Variants in TBC1D19 observed in about 807,000 individuals in gnomAD.
The protein encoded by TBC1D19 is TBC1 domain family member 19, also known as TBC1 domain family, member 19.
TBC1D19 carries 60 observed loss-of-function variants against 89.0 expected under a neutral mutation model. The ratio of observed to expected loss-of-function variants is 0.67; its 90% CI spans 0.55 to 0.84. The LOEUF (loss-of-function observed/expected upper bound fraction) is 0.84, where lower values mean the gene tolerates loss of function less well. Ranked by LOEUF, TBC1D19 falls within the 40% of genes least tolerant of loss-of-function variation. TBC1D19 has a pLI of 0.00. For synonymous variants in TBC1D19, 189 were observed against 199.7 expected, an observed-to-expected ratio of 0.95 and a Z score of 0.45; for missense variants, 500 against 610.8, an observed-to-expected ratio of 0.82 and a Z score of 1.91.
intron 1 of TBC1D19, among the ~76,000 whole-genome samples, chr4:26,605,876 T>A (rs1476511438): frequency 2.0e-5 from 3 of 152,230 alleles, no homozygotes; most frequent in African/African-American, 7.2e-5. Flanking sequence ...TCTGTTCATA[T>A]CCTTTGCACA....
intron 3 of TBC1D19, among the ~76,000 whole-genome samples, chr4:26,618,292 G>A (rs1741823865): frequency 6.6e-6 from 1 of 152,194 alleles, no homozygotes; most frequent in African/African-American, 2.4e-5. Context: ...ATTTAACTTA[G>A]ATTTGGGGAT....
intron 1 of TBC1D19, 62 bp downstream of exon 1, chr4:26,584,354 A>C (rs1577742998): frequency 6.8e-7 from 1 of 1,471,752 alleles, no homozygotes; most frequent in East Asian, 2.4e-5. Context: ...TCTCTTCTTC[A>C]CCCTCCTCAC....
At chr4:26,797,767 C>T in the TBC1D19 span, among the ~76,000 whole-genome samples, 11 of 151,862 alleles carry the variant, frequency 7.2e-5, no homozygotes, top group South Asian at 2.1e-4. Context: ...TGATCCTTAA[C>T]AAAGTCAACA....
Position 26,584,349 on chromosome 4 carries a change from T to C in TBC1D19, c.99+57T>C, listed in dbSNP as rs544155623. The C allele has an allele frequency of 2.2e-4, 330 of 1,507,420 alleles. 4 individuals carry two copies. The East Asian group carries it at 4.7e-3, about 22-fold the overall frequency. The allele number at this position is 1,507,420 out of a possible 1,614,324, so 93.4% of individuals were successfully genotyped here. A position where few individuals can be genotyped will look rare whatever the true frequency, so the allele number is the denominator to read the frequency against. ...CGGGCGGGGCCGCGGCGATGTCTCTTCTTCACCCTCCTCACCCAAGCCAGA... is the reference window on the plus strand; with the variant it reads ...CGGGCGGGGCCGCGGCGATGTCTCTCCTTCACCCTCCTCACCCAAGCCAGA... On this transcript the variant is annotated intron_variant, in intron 1 of 20. Coordinates refer to ENST00000264866, the MANE Select transcript of TBC1D19 (RefSeq NM_018317.4).
chr4:26,595,966 A>AT, intron 1 of TBC1D19, among the ~76,000 whole-genome samples: 1 of 151,728 alleles, frequency 6.6e-6, no homozygotes, highest in East Asian at 1.9e-4. Context: ...ATTAAAAAAA[A>AT]TTTTTTTTGA....
intron 1 of TBC1D19, among the ~76,000 whole-genome samples, chr4:26,607,277 C>A (rs1741073222): frequency 1.3e-5 from 2 of 152,130 alleles, no homozygotes; most frequent in Non-Finnish European, 2.9e-5. Context: ...ATTTGAAAAG[C>A]CGCTACTTCT....
chr4:26,585,161 G>C, intron 1 of TBC1D19: 1 of 446,010 alleles, frequency 2.2e-6, no homozygotes, highest in South Asian at 1.6e-5. Flanking sequence ...TAAATACCTA[G>C]GATTGGAATT....
chr4:26,647,411 A>G (rs753747587), intron 7 of TBC1D19, among the ~76,000 whole-genome samples: 2 of 152,136 alleles, frequency 1.3e-5, no homozygotes, highest in African/African-American at 2.4e-5. Flanking sequence ...ATCCTATTAT[A>G]TTTATCTTTG....
At chr4:26,725,954 GC>G (rs1717284016) in intron 15 of TBC1D19, among the ~76,000 whole-genome samples, 1 of 152,140 alleles carries the variant, frequency 6.6e-6, no homozygotes, top group African/African-American at 2.4e-5. Flanking sequence ...CAGACTTGTA[GC>G]AAAAATACAC....
At chr4:26,782,215 A>T in the TBC1D19 span, among the ~76,000 whole-genome samples, 1 of 152,254 alleles carries the variant, frequency 6.6e-6, no homozygotes, top group African/African-American at 2.4e-5. Flanking sequence ...ATGATGTCAC[A>T]CATACATCTT....
the TBC1D19 span, among the ~76,000 whole-genome samples, chr4:26,850,540 CAAAAAAAAA>C: frequency 2.4e-4 from 22 of 90,430 alleles, no homozygotes; most frequent in Admixed American, 8.7e-4. Context: ...GACCCTGTCT[CAAAAAAAAA>C]AAAAAAAAAA....
chr4:26,644,557 T>C (rs1478516756), intron 7 of TBC1D19, among the ~76,000 whole-genome samples: 1 of 152,204 alleles, frequency 6.6e-6, no homozygotes, highest in Non-Finnish European at 1.5e-5. Context: ...AACATAGTGT[T>C]GGAAGTTCTG....
rs560470254 is a variant in TBC1D19 at position 26,666,317 on chromosome 4, G to A, written c.592-16G>A. 122 of 1,602,278 alleles carry A rather than the reference G, an allele frequency of 7.6e-5. 2 individuals are homozygous for A. The South Asian group carries it at 8.7e-4, about 11-fold the overall frequency. ...AGTCTGAGATCTATGTTAATTCTAC[G>A]TATGTTATTTTTCAGAAAGAATGCT... is the stretch of plus-strand genomic sequence containing the variant. On this transcript the variant is annotated splice_polypyrimidine_tract_variant and intron_variant, in intron 8 of 20. Coordinates refer to ENST00000264866, the MANE Select transcript of TBC1D19 (RefSeq NM_018317.4).
chr4:26,588,638 A>T (rs1201939039), intron 1 of TBC1D19, among the ~76,000 whole-genome samples: 1 of 152,144 alleles, frequency 6.6e-6, no homozygotes, highest in Non-Finnish European at 1.5e-5. Flanking sequence ...ATTTAAAAAA[A>T]TTCTCTTGTG....
intron 13 of TBC1D19, among the ~76,000 whole-genome samples, chr4:26,711,819 C>T (rs1560490511): frequency 6.6e-6 from 1 of 151,972 alleles, no homozygotes; most frequent in South Asian, 2.1e-4. Context: ...CATACAGATA[C>T]AAAAATTAGA....
At chr4:26,809,509 A>G in the TBC1D19 span, among the ~76,000 whole-genome samples, 1 of 152,138 alleles carries the variant, frequency 6.6e-6, no homozygotes, top group Non-Finnish European at 1.5e-5. Flanking sequence ...TCTTTCCCTC[A>G]ACTCTGGCTC....
intron 1 of TBC1D19, among the ~76,000 whole-genome samples, chr4:26,604,932 G>C (rs1390477883): frequency 3.3e-5 from 5 of 151,864 alleles, no homozygotes; most frequent in African/African-American, 9.7e-5. Flanking sequence ...ACATTAGTGT[G>C]CAAATATCTG....
chr4:26,833,195 A>C, the TBC1D19 span, among the ~76,000 whole-genome samples: 1 of 152,170 alleles, frequency 6.6e-6, no homozygotes, highest in African/African-American at 2.4e-5. Context: ...ATTTAGGTTG[A>C]CATGAGGAAT....
chr4:26,649,869 A>C lies in TBC1D19; in HGVS notation c.480+9682A>C, dbSNP rs1393758680. On this transcript the variant is annotated intron_variant, in intron 7 of 20. Coordinates refer to ENST00000264866, the MANE Select transcript of TBC1D19 (RefSeq NM_018317.4). The stretch of plus-strand genomic sequence containing the variant: ...TAATGCTATCCCTCCCCTCTCCCCC[A>C]ACCCCACAACAGGCCCCAGTGTGTG... Among the ~76,000 whole-genome samples, 15 of 151,710 alleles carry C rather than the reference A, an allele frequency of 9.9e-5. No individual in the cohort carries two copies. In the East Asian group the frequency reaches 1.2e-3, roughly 12 times the overall value.
Sources: allele counts gnomAD v4.1 joint callset (sites outside exome capture counted in the v4.1 genomes callset), GRCh38; gene constraint gnomAD v4.1.1; transcripts MANE v1.5; gene names NCBI Gene and HGNC (gene_info 2026-07-23, HGNC 2026-07-21).